STK4: variants seen among roughly 807,000 people sequenced by gnomAD.
STK4 encodes serine/threonine-protein kinase 4.
STK4 carries 30 observed loss-of-function variants against 64.9 expected under a neutral mutation model. The ratio of observed to expected loss-of-function variants is 0.46; its 90% CI spans 0.35 to 0.63. The LOEUF (loss-of-function observed/expected upper bound fraction) is 0.63. Among genes scored for constraint, STK4 ranks in the 20% least tolerant of loss-of-function variants. STK4 has a pLI of 0.01. For missense variants in STK4, 466 were observed against 598.5 expected, an observed-to-expected ratio of 0.78 and a Z score of 2.31; for synonymous variants, 177 against 199.0, an observed-to-expected ratio of 0.89 and a Z score of 0.93.
At chr20:45,055,641 A>G (rs1459028309) in intron 10 of STK4, among the ~76,000 whole-genome samples, 2 of 151,094 alleles carry the variant, frequency 1.3e-5, no homozygotes, top group East Asian at 3.9e-4. Flanking sequence ...TCTGCTTTCT[A>G]TGGGTTTATT....
chr20:45,004,212 C>T (rs2067892971), intron 9 of STK4: 1 of 151,980 alleles, frequency 6.6e-6, no homozygotes, highest in Non-Finnish European at 1.5e-5. Flanking sequence ...TCTCCTGCCT[C>T]AGCTTCCTGT....
intron 5 of STK4, 120 bp downstream of exon 5, chr20:44,987,416 A>G: frequency 1.0e-6 from 1 of 996,606 alleles, no homozygotes; most frequent in African/African-American, 1.7e-5. Context: ...AAAATCACAG[A>G]ATCTGCCAAT....
At chr20:44,979,485 T>C (rs2145647246) in intron 3 of STK4, among the ~76,000 whole-genome samples, 1 of 152,176 alleles carries the variant, frequency 6.6e-6, no homozygotes, top group East Asian at 1.9e-4. Context: ...ACAACATGGG[T>C]TGGTCACTGA....
At chr20:44,970,771 T>C (rs2067229693) in intron 1 of STK4, among the ~76,000 whole-genome samples, 1 of 152,164 alleles carries the variant, frequency 6.6e-6, no homozygotes, top group South Asian at 2.1e-4. Flanking sequence ...AACTATAAGA[T>C]TGTCCTTCTG....
intron 6 of STK4, among the ~76,000 whole-genome samples, chr20:44,995,605 C>CAAAAAAAA (rs60140206): frequency 5.5e-5 from 3 of 54,556 alleles, no homozygotes; most frequent in Non-Finnish European, 1.0e-4. Flanking sequence ...GACTCCATCT[C>CAAAAAAAA]AAAAAAAAAA....
rs1980776372 is a variant in STK4, at chr20:45,079,878, A to G, written c.*4702A>G. On this transcript the variant is annotated 3_prime_UTR_variant, in exon 11 of 11. Transcript: ENST00000372806. ...ATGCTTCCTGTGTTTTTATGTTAGA[A>G]TTGTTGTTCTCCTTCTTTTCTTCTT... 6.6e-6 allele frequency: 1 copy of G among 152,398 alleles called. No individual in the cohort carries two copies. Among genetic ancestry groups the G allele is most frequent in the African/African-American group, 2.4e-5 (1 of 41,398 alleles). 9.4% of individuals were successfully genotyped at this position (152,398 alleles called of 1,614,324 possible). A position where few individuals can be genotyped will look rare whatever the true frequency, so the allele number is the denominator to read the frequency against.
At chr20:45,057,175 G>A (rs777530588) in intron 10 of STK4, among the ~76,000 whole-genome samples, 8 of 152,184 alleles carry the variant, frequency 5.3e-5, no homozygotes, top group Non-Finnish European at 7.3e-5. Flanking sequence ...CTAGGCTGTC[G>A]CTGGGCCACA....
At chr20:44,971,362 A>C (rs2145629058) in intron 1 of STK4, among the ~76,000 whole-genome samples, 1 of 152,304 alleles carries the variant, frequency 6.6e-6, no homozygotes, top group Middle Eastern at 3.4e-3. Context: ...ACAGCTGCCT[A>C]GTGATTTTTC....
Position 45,001,275 on chromosome 20 carries a change from C to T in STK4, c.1069C>T (p.His357Tyr), listed in dbSNP as rs1304760359. 1 of 1,614,142 alleles carries T rather than the reference C, an allele frequency of 6.2e-7. No homozygotes were observed. The highest frequency in any genetic ancestry group is 1.6e-4 in the Middle Eastern group (1 of 6,062). The change falls in exon 9 of 11, where the codon CAC becomes TAC. Residue 357 changes from histidine (H) to tyrosine (Y), a missense_variant. Transcript: ENST00000372806. ...MTDGANTMIE[H>Y]DDTLPSQLGT... ...TGATGGAGCCAATACTATGATTGAG[C>T]ACGATGACACGTTGCCATCACAACT... is the stretch of plus-strand genomic sequence containing the variant.
chr20:44,990,300 A>G (rs888401072), intron 5 of STK4, among the ~76,000 whole-genome samples: 3 of 151,700 alleles, frequency 2.0e-5, no homozygotes, highest in African/African-American at 7.3e-5. Context: ...TTTTGATACT[A>G]TTTTAAATGG....
At chr20:45,065,630 C>CT (rs147140054) in intron 10 of STK4, among the ~76,000 whole-genome samples, 38,738 of 151,678 alleles carry the variant, frequency 0.26, 5,568 homozygotes, top group Middle Eastern at 0.43. Context: ...CCTGGTTCTA[C>CT]ATTTTGTAGC....
chr20:44,983,457 A>T (rs60960446), intron 4 of STK4, among the ~76,000 whole-genome samples: 18,903 of 152,124 alleles, frequency 0.12, 1,544 homozygotes, highest in East Asian at 0.22. Flanking sequence ...AAAGAAAAAC[A>T]AAATTAGTCA....
chr20:45,005,937 G>A (rs2067935211), intron 9 of STK4, among the ~76,000 whole-genome samples: 1 of 151,852 alleles, frequency 6.6e-6, no homozygotes, highest in African/African-American at 2.4e-5. Flanking sequence ...GTACTTTGAA[G>A]AGATCATTTT....
chr20:45,003,465 A>C (rs1356828579), intron 9 of STK4, among the ~76,000 whole-genome samples: 1 of 152,208 alleles, frequency 6.6e-6, no homozygotes, highest in Non-Finnish European at 1.5e-5. Context: ...TTCCTCTAAT[A>C]GTCAACACAT....
intron 10 of STK4, among the ~76,000 whole-genome samples, chr20:45,041,128 G>A (rs893147416): frequency 2.2e-4 from 33 of 151,938 alleles, no homozygotes; most frequent in African/African-American, 7.5e-4. Context: ...AGGTTTTTTT[G>A]TTTCATTTTG....
chr20:45,026,549 G>A (rs1321528070), intron 10 of STK4, among the ~76,000 whole-genome samples: 1 of 152,120 alleles, frequency 6.6e-6, no homozygotes, highest in African/African-American at 2.4e-5. Context: ...AATAGGATGT[G>A]CAGCAGGAAA....
At chr20:45,047,191 A>C (rs974456620) in intron 10 of STK4, among the ~76,000 whole-genome samples, 6 of 152,168 alleles carry the variant, frequency 3.9e-5, no homozygotes, top group African/African-American at 1.4e-4. Context: ...GTTTTATACC[A>C]TCTTCTTTTC....
chr20:44,982,695 G>A (rs1361536517), intron 4 of STK4, among the ~76,000 whole-genome samples: 1 of 152,080 alleles, frequency 6.6e-6, no homozygotes, highest in African/African-American at 2.4e-5. Flanking sequence ...AGGAGTCATG[G>A]GTTTTAGTTC....
intron 5 of STK4, among the ~76,000 whole-genome samples, chr20:44,988,432 G>A (rs2067569017): frequency 6.7e-6 from 1 of 150,114 alleles, no homozygotes; most frequent in East Asian, 2.0e-4. Context: ...GGGAGATTGC[G>A]CCATTGCACT....
Sources: allele counts gnomAD v4.1 joint callset (sites outside exome capture counted in the v4.1 genomes callset), GRCh38; gene constraint gnomAD v4.1.1; transcripts MANE v1.5; gene names NCBI Gene and HGNC (gene_info 2026-07-23, HGNC 2026-07-21).